Variants in GPHN observed in about 807,000 individuals in gnomAD.
GPHN encodes the protein gephyrin.
A neutral mutation model predicts 95.5 loss-of-function variants in GPHN; 17 were observed. The ratio of observed to expected loss-of-function variants is 0.18; its 90% confidence interval spans 0.12 to 0.27. GPHN has a LOEUF of 0.27. GPHN is among the 10% of genes least tolerant of loss of function. The probability of loss-of-function intolerance (pLI) is 1.00; values close to 1 mark genes in which losing one functional copy is unlikely to be tolerated. For missense variants in GPHN, 660 were observed against 978.1 expected (o/e 0.67, Z 4.34); for synonymous variants, 320 against 322.5 (o/e 0.99, Z 0.08).
At chr14:67,200,213 C>G in the GPHN span, 1 of 1,093,246 alleles carries the variant, frequency 9.1e-7, no homozygotes, top group Admixed American at 3.0e-5. Context: ...CCCATGGATA[C>G]ACTGGCCCTC....
At chr14:66,527,068 A>G (rs1428068026) in intron 1 of GPHN, among the ~76,000 whole-genome samples, 1 of 152,240 alleles carries the variant, frequency 6.6e-6, no homozygotes, top group African/African-American at 2.4e-5. Flanking sequence ...TCCTCTTTGT[A>G]CTTCTGGTAG....
At chr14:66,622,635 C>T (rs1035168606) in intron 1 of GPHN, among the ~76,000 whole-genome samples, 2 of 152,126 alleles carry the variant, frequency 1.3e-5, no homozygotes, top group Admixed American at 1.3e-4. Context: ...AAATTTCTTC[C>T]ATCAGATACC....
intron 2 of GPHN, chr14:66,761,132 T>C: frequency 2.9e-6 from 1 of 349,990 alleles, no homozygotes; most frequent in South Asian, 2.4e-5. Flanking sequence ...AAGTGATTAA[T>C]ATATCTTTCC....
At chr14:67,359,966 CAA>C in the GPHN span, 18 of 545,712 alleles carry the variant, frequency 3.3e-5, no homozygotes, top group Non-Finnish European at 3.9e-5. Flanking sequence ...GTTCGCCTCC[CAA>C]CCCCTCCCCA....
At chr14:67,712,920 C>T in the GPHN span, among the ~76,000 whole-genome samples, 7 of 151,510 alleles carry the variant, frequency 4.6e-5, no homozygotes, top group African/African-American at 1.7e-4. Flanking sequence ...CTTTTGCTGG[C>T]CATTTTTCTC....
intron 4 of GPHN, among the ~76,000 whole-genome samples, 180 bp from the exon 5 acceptor site, chr14:66,879,759 T>A (rs988380536): frequency 6.6e-6 from 1 of 152,148 alleles, no homozygotes; most frequent in African/African-American, 2.4e-5. Context: ...GGTCCTCAGC[T>A]TTTATTCAGT....
chr14:67,586,032 A>G, the GPHN span: 3 of 1,613,896 alleles, frequency 1.9e-6, no homozygotes, highest in African/African-American at 1.3e-5. Context: ...GATTAGATCT[A>G]TCCCAGACAA....
At chr14:66,853,460 T>G (rs2153516949) in intron 4 of GPHN, among the ~76,000 whole-genome samples, 1 of 152,340 alleles carries the variant, frequency 6.6e-6, no homozygotes, top group East Asian at 1.9e-4. Context: ...AAAGGAAAGA[T>G]GTTTGACACA....
chr14:67,639,712 G>A, the GPHN span, among the ~76,000 whole-genome samples: 1 of 152,094 alleles, frequency 6.6e-6, no homozygotes, highest in African/African-American at 2.4e-5. Context: ...CTTGCGGTCA[G>A]GAGTTCGAGA....
At chr14:66,893,435 C>T (rs540023744) in intron 5 of GPHN, among the ~76,000 whole-genome samples, 1 of 152,254 alleles carries the variant, frequency 6.6e-6, no homozygotes, top group Non-Finnish European at 1.5e-5. Flanking sequence ...TGGAAGCATT[C>T]CCTTTGAAAA....
At chr14:66,737,596 G>A (rs2072410463) in intron 2 of GPHN, among the ~76,000 whole-genome samples, 1 of 151,988 alleles carries the variant, frequency 6.6e-6, no homozygotes, top group Non-Finnish European at 1.5e-5. Flanking sequence ...CATCCATATT[G>A]AACTCTGAAA....
chr14:66,808,575 G>A (rs954983984), intron 3 of GPHN, among the ~76,000 whole-genome samples: 2 of 152,194 alleles, frequency 1.3e-5, no homozygotes, highest in Non-Finnish European at 2.9e-5. Flanking sequence ...CCGAGGCGAG[G>A]ATTACGAGGT....
intron 9 of GPHN, among the ~76,000 whole-genome samples, chr14:67,008,615 G>A (rs1594799817): frequency 6.6e-6 from 1 of 151,388 alleles, no homozygotes; most frequent in Non-Finnish European, 1.5e-5. Context: ...CGCAGTCTTG[G>A]CTCACTGCAA....
At chr14:67,343,318 AC>A in the GPHN span, 22 of 1,378,554 alleles carry the variant, frequency 1.6e-5, no homozygotes, top group Non-Finnish European at 2.2e-5. Flanking sequence ...CAGTTTCACG[AC>A]AAGTGGAGGG....
At chr14:67,477,386 A>G in the GPHN span, among the ~76,000 whole-genome samples, 1 of 152,132 alleles carries the variant, frequency 6.6e-6, no homozygotes, top group Non-Finnish European at 1.5e-5. Context: ...AGTATAAACC[A>G]GCTTGCAGGT....
At chr14:67,395,307 C>T in the GPHN span, 2 of 1,071,188 alleles carry the variant, frequency 1.9e-6, no homozygotes, top group Non-Finnish European at 2.8e-6. Context: ...CCAGACTGTG[C>T]AGCAAGCACA....
intron 18 of GPHN, among the ~76,000 whole-genome samples, chr14:67,148,557 G>GTTTTTTTTTTTT (rs1297273978): frequency 1.6e-5 from 2 of 124,786 alleles, no homozygotes. Flanking sequence ...GACTTTATTT[G>GTTTTTTTTTTTT]CTTTTTTTTT....
At chr14:67,126,008 C>G (rs1343304940) in intron 17 of GPHN, among the ~76,000 whole-genome samples, 1 of 152,018 alleles carries the variant, frequency 6.6e-6, no homozygotes. Context: ...ACTAAATGGC[C>G]TTTGCTTACT....
intron 11 of GPHN, among the ~76,000 whole-genome samples, chr14:67,086,139 A>T (rs1473217570): frequency 6.6e-6 from 1 of 152,156 alleles, no homozygotes; most frequent in African/African-American, 2.4e-5. Context: ...TCCACCATTG[A>T]TTATTGTGGA....
Sources: allele counts gnomAD v4.1 joint callset (sites outside exome capture counted in the v4.1 genomes callset), GRCh38; gene constraint gnomAD v4.1.1; transcripts MANE v1.5; gene names NCBI Gene and HGNC (gene_info 2026-07-23, HGNC 2026-07-21).